KIAA1217: variants seen among roughly 807,000 people sequenced by gnomAD.
KIAA1217 encodes KIAA1217, also known as sickle tail protein homolog.
A neutral mutation model predicts 163.9 loss-of-function variants in KIAA1217; 88 were observed. The observed-to-expected ratio is 0.54, with a 90% CI of 0.45 to 0.64. The LOEUF is 0.64. Ranked by LOEUF, KIAA1217 falls within the 30% of genes least tolerant of loss-of-function variation. The pLI is 0.00. For synonymous variants in KIAA1217, 903 were observed against 923.1 expected (o/e 0.98, Z 0.39); for missense variants, 2,372 against 2,475.0 (o/e 0.96, Z 0.88).
At chr10:24,311,978 T>C (rs988193759) in intron 2 of KIAA1217, among the ~76,000 whole-genome samples, 5 of 152,090 alleles carry the variant, frequency 3.3e-5, no homozygotes, top group Non-Finnish European at 2.9e-5. Flanking sequence ...CTCTACAAAG[T>C]GGACTTTCCT....
rs547248734 is a variant in KIAA1217, at chr10:24,424,242, C to T, written c.554-8753C>T. Among the ~76,000 whole-genome samples the T allele has an allele frequency of 7.9e-5, 12 of 152,310 alleles. No individual in the cohort carries two copies. The South Asian group carries it at 2.5e-3, about 32-fold the overall frequency. On this transcript the variant is annotated intron_variant, in intron 3 of 20. Transcript: ENST00000376454. ...TCTCTGGGATTTGAGAAGTTACTGA[C>T]ATCAGAAGGTATCCTAGAGCCATTT...
At chr10:24,098,691 G>C (rs542053382) in intron 2 of KIAA1217, among the ~76,000 whole-genome samples, 1 of 151,040 alleles carries the variant, frequency 6.6e-6, no homozygotes, top group South Asian at 2.1e-4. Flanking sequence ...ATCTCAAAGA[G>C]AGCAGCCTGT....
intron 1 of KIAA1217, among the ~76,000 whole-genome samples, chr10:23,810,658 ATAAT>A (rs902130602): frequency 3.1e-5 from 4 of 129,228 alleles, no homozygotes; most frequent in African/African-American, 8.9e-5. Context: ...GTGTATATAT[ATAAT>A]TAATCTATAT....
intron 2 of KIAA1217, among the ~76,000 whole-genome samples, chr10:24,344,690 G>A (rs2133892807): frequency 6.6e-6 from 1 of 152,288 alleles, no homozygotes; most frequent in South Asian, 2.1e-4. Flanking sequence ...GCTTAAACAT[G>A]GTCAGGGAAT....
At chr10:24,409,908 T>G (rs1360752321) in intron 3 of KIAA1217, among the ~76,000 whole-genome samples, 2 of 151,350 alleles carry the variant, frequency 1.3e-5, no homozygotes, top group Non-Finnish European at 2.9e-5. Context: ...TCCAGGTTGC[T>G]GCAAATGCCA....
chr10:23,790,568 T>C lies in KIAA1217; in HGVS notation c.-321+95334T>C, dbSNP rs537797221. ...GCATATATACATATGTACATATGTATATATACATATGTATATGTACATATA... is the reference window on the plus strand; with the variant it reads ...GCATATATACATATGTACATATGTACATATACATATGTATATGTACATATA... On this transcript the variant is annotated intron_variant, in intron 1 of 18. Transcript: ENST00000376462. 9.0e-4 allele frequency among the ~76,000 whole-genome samples: 109 copies of C among 121,632 alleles called. 7 individuals are homozygous for C. The South Asian group carries it at 0.023, about 25-fold the overall frequency. The allele number at this position is 121,632 out of a possible 152,430, so 79.8% of individuals were successfully genotyped here. A position where few individuals can be genotyped will look rare whatever the true frequency, so the allele number is the denominator to read the frequency against.
At chr10:23,801,835 A>G (rs887643521) in intron 1 of KIAA1217, among the ~76,000 whole-genome samples, 2 of 152,232 alleles carry the variant, frequency 1.3e-5, no homozygotes, top group Non-Finnish European at 2.9e-5. Context: ...GGTGTTATCC[A>G]TCACACAGAA....
intron 1 of KIAA1217, among the ~76,000 whole-genome samples, chr10:23,888,145 A>G (rs1382452919): frequency 6.6e-6 from 1 of 151,910 alleles, no homozygotes; most frequent in Non-Finnish European, 1.5e-5. Context: ...TTGTCTTAAC[A>G]TAGGACGTCC....
chr10:23,918,731 T>TAC (rs200464517), intron 1 of KIAA1217, among the ~76,000 whole-genome samples: 1,501 of 137,866 alleles, frequency 0.011, 16 homozygotes, highest in African/African-American at 0.044. Context: ...GAATTAAATA[T>TAC]ATACACACAC....
chr10:24,137,538 T>C (rs1265660089), intron 2 of KIAA1217, among the ~76,000 whole-genome samples: 5 of 152,232 alleles, frequency 3.3e-5, no homozygotes, highest in Non-Finnish European at 7.3e-5. Context: ...GGGCCAAGAA[T>C]CAAAACGTTT....
chr10:24,312,259 T>A (rs563945366), intron 2 of KIAA1217, among the ~76,000 whole-genome samples: 2 of 150,970 alleles, frequency 1.3e-5, no homozygotes, highest in Admixed American at 1.3e-4. Context: ...GAAGCCTCAA[T>A]GTGTTTTTCT....
chr10:23,958,216 C>T (rs1844654062), intron 1 of KIAA1217, among the ~76,000 whole-genome samples: 1 of 149,090 alleles, frequency 6.7e-6, no homozygotes, highest in Middle Eastern at 3.4e-3. Context: ...CCAAAGCAGG[C>T]AAGCATATGT....
chr10:24,383,968 G>A (rs879726372), intron 3 of KIAA1217, among the ~76,000 whole-genome samples: 17 of 152,216 alleles, frequency 1.1e-4, no homozygotes, highest in African/African-American at 4.1e-4. Flanking sequence ...CGCCTGCCTG[G>A]CCTTATTTAA....
At chr10:24,254,188 C>T (rs574910317) in intron 2 of KIAA1217, among the ~76,000 whole-genome samples, 1 of 152,314 alleles carries the variant, frequency 6.6e-6, no homozygotes, top group Admixed American at 6.5e-5. Context: ...ATGCACCCAG[C>T]AAAGATTGGC....
At chr10:24,331,794 A>G (rs2045709053) in intron 2 of KIAA1217, among the ~76,000 whole-genome samples, 1 of 152,036 alleles carries the variant, frequency 6.6e-6, no homozygotes, top group African/African-American at 2.4e-5. Context: ...TAGAGGAGGG[A>G]GTTGGTTTTA....
intron 2 of KIAA1217, among the ~76,000 whole-genome samples, chr10:24,051,138 A>G (rs185055859): frequency 1.8e-3 from 273 of 152,224 alleles, no homozygotes; most frequent in Non-Finnish European, 3.1e-3. Flanking sequence ...GCATCCTCAT[A>G]GCTTAGCTCC....
chr10:24,435,440 A>G (rs767114296), intron 4 of KIAA1217, among the ~76,000 whole-genome samples: 2 of 152,268 alleles, frequency 1.3e-5, no homozygotes, highest in Non-Finnish European at 2.9e-5. Context: ...AGTTACAACA[A>G]TCATCTTACA....
intron 3 of KIAA1217, among the ~76,000 whole-genome samples, chr10:24,424,085 A>T (rs1269759601): frequency 6.0e-5 from 9 of 150,932 alleles, no homozygotes; most frequent in Middle Eastern, 3.4e-3. Flanking sequence ...TTTTTTTTTT[A>T]AATCCAGACT....
intron 2 of KIAA1217, among the ~76,000 whole-genome samples, chr10:24,166,723 T>C (rs868437166): frequency 2.1e-4 from 32 of 152,256 alleles, no homozygotes; most frequent in Middle Eastern, 6.8e-3. Flanking sequence ...TGACTCAGTC[T>C]CAAATTAAAA....
Sources: allele counts gnomAD v4.1 joint callset (sites outside exome capture counted in the v4.1 genomes callset), GRCh38; gene constraint gnomAD v4.1.1; transcripts MANE v1.5; gene names NCBI Gene and HGNC (gene_info 2026-07-23, HGNC 2026-07-21).